Variants in POGZ observed in about 807,000 individuals in gnomAD.
POGZ encodes the protein pogo transposable element with ZNF domain.
Under a neutral mutation model 134.6 loss-of-function variants are expected in POGZ, and 17 were observed. The observed-to-expected ratio is 0.13, with a 90% confidence interval of 0.09 to 0.19. The LOEUF (loss-of-function observed/expected upper bound fraction) is 0.19, where lower values mean the gene tolerates loss of function less well. Among genes scored for constraint, POGZ ranks in the 10% least tolerant of loss-of-function variants. The probability of loss-of-function intolerance (pLI) is 1.00; values close to 1 mark genes in which losing one functional copy is unlikely to be tolerated. For synonymous variants in POGZ, 693 were observed against 657.1 expected (o/e 1.05, Z -0.84); for missense variants, 1,306 against 1,769.7 (o/e 0.74, Z 4.70).
chr1:151,450,014 T>C (rs552246567), intron 1 of POGZ, among the ~76,000 whole-genome samples: 1 of 147,502 alleles, frequency 6.8e-6, no homozygotes, highest in African/African-American at 2.5e-5. Context: ...CACCTACCTG[T>C]GAAACTTGAT....
intron 10 of POGZ, among the ~76,000 whole-genome samples, chr1:151,420,978 C>T (rs926209654): frequency 1.1e-4 from 10 of 88,452 alleles, no homozygotes; most frequent in Non-Finnish European, 2.1e-4. Flanking sequence ...CTATACATAC[C>T]GTGTTTTTTC....
chr1:151,418,059 CA>C (rs1656096873), intron 10 of POGZ, among the ~76,000 whole-genome samples: 1 of 151,642 alleles, frequency 6.6e-6, no homozygotes, highest in Non-Finnish European at 1.5e-5. Flanking sequence ...CTAAAAAATA[CA>C]AAAAAATTAG....
At chr1:151,444,554 C>T (rs1661004881) in intron 1 of POGZ, among the ~76,000 whole-genome samples, 1 of 152,112 alleles carries the variant, frequency 6.6e-6, no homozygotes, top group South Asian at 2.1e-4. Context: ...TTTTCAAGGA[C>T]CTACTTTTGT....
chr1:151,416,920 C>T (rs1435301463), intron 10 of POGZ, among the ~76,000 whole-genome samples: 1 of 152,088 alleles, frequency 6.6e-6, no homozygotes. Context: ...GCATGAGTCA[C>T]CATGCCTTGG....
chr1:151,434,616 C>T (rs2102329003), intron 3 of POGZ, among the ~76,000 whole-genome samples: 1 of 152,316 alleles, frequency 6.6e-6, no homozygotes, highest in South Asian at 2.1e-4. Context: ...CAGAGTCTTG[C>T]TCTGTCACCA....
At chr1:151,457,699 G>A (rs1662939681) in intron 1 of POGZ, among the ~76,000 whole-genome samples, 1 of 152,174 alleles carries the variant, frequency 6.6e-6, no homozygotes. Context: ...GGCCAAGGCG[G>A]GCGGATCACC....
chr1:151,409,306 G>A (rs1287153295), intron 12 of POGZ, among the ~76,000 whole-genome samples: 1 of 152,078 alleles, frequency 6.6e-6, no homozygotes, highest in African/African-American at 2.4e-5. Flanking sequence ...CCAGTTTCCT[G>A]AGTATGCTTT....
At chr1:151,457,550 T>G (rs1450064183) in intron 1 of POGZ, among the ~76,000 whole-genome samples, 1 of 152,124 alleles carries the variant, frequency 6.6e-6, no homozygotes, top group Non-Finnish European at 1.5e-5. Flanking sequence ...TGAGCAATAG[T>G]GTCTCAAAAT....
rs749645880 is a variant in POGZ, at chr1:151,442,068, G to C, written c.124+13C>G. On this transcript the variant is annotated intron_variant, in intron 2 of 18. Coordinates refer to ENST00000271715, the MANE Select transcript of POGZ (RefSeq NM_015100.4). ...TAATTTAAACCATCTAAGATCAGAA[G>C]AGCTTTTGTTACCTGTGGTAGTTTT... 3.2e-6 allele frequency: 5 copies of C among 1,574,804 alleles called. No individual in the cohort carries two copies. Among genetic ancestry groups the C allele is most frequent in the African/African-American group, 1.4e-5 (1 of 74,062 alleles).
intron 3 of POGZ, among the ~76,000 whole-genome samples, chr1:151,437,123 G>A (rs574511076): frequency 1.8e-4 from 27 of 152,108 alleles, no homozygotes; most frequent in Non-Finnish European, 3.1e-4. Context: ...GAACTTGGGA[G>A]GCAGAGGCTG....
chr1:151,426,733 T>C (rs897966273), intron 7 of POGZ: 1 of 152,176 alleles, frequency 6.6e-6, no homozygotes, highest in Admixed American at 6.5e-5. Context: ...ATCCAAGAAA[T>C]AGTAATCACT....
rs752124802 is a variant in POGZ, at chr1:151,405,778, C to T, written c.3257G>A (p.Arg1086Gln). ...MLRHHLTPHA[R>Q]RAVAHTLPKD... Reference sequence around the variant, plus strand: ...AGGTAGGGTGTGGGCCACAGCTCGCCGGGCATGGGGAGTCAGGTGGTGCCG... The same window carrying T: ...AGGTAGGGTGTGGGCCACAGCTCGCTGGGCATGGGGAGTCAGGTGGTGCCG... The change falls in exon 19 of 19, where the codon CGG (arginine) becomes CAG (glutamine). Residue 1086 changes from arginine (R) to glutamine (Q), a missense_variant. Arg to Gln is a conservative substitution (Grantham distance 43). This residue lies in a region of POGZ where 161 missense variants were observed against 185.4 expected (regional missense o/e 0.87). Transcript: ENST00000271715. The surrounding 1 kb of genome is among the most constrained non-coding windows in gnomAD (Gnocchi z 4.9). The T allele has an allele frequency of 5.6e-6, 9 of 1,614,036 alleles. No individual in the cohort carries two copies. The highest frequency in any genetic ancestry group is 5.3e-5 in the African/African-American group (4 of 74,918).
chr1:151,450,730 T>C (rs1571582884), intron 1 of POGZ, among the ~76,000 whole-genome samples: 1 of 152,130 alleles, frequency 6.6e-6, no homozygotes, highest in Non-Finnish European at 1.5e-5. Flanking sequence ...ATATAAACTC[T>C]TCTAGCTTCT....
At position 151,406,644 on chromosome 1, in the gene POGZ, AAAC is replaced by A. The variant is rs1653698567; in HGVS notation, c.2546-16_2546-14del. ...ATCCAAGTGAGTCCTATGGAAAATG[AAAC>A]AACAAAAATAGTTAGCTCAGTGAAA... is the stretch of plus-strand genomic sequence containing the variant. On this transcript the variant is annotated splice_polypyrimidine_tract_variant and intron_variant, in intron 17 of 18. Transcript: ENST00000271715. 2 of 1,604,290 alleles carry A rather than the reference AAAC, an allele frequency of 1.2e-6. No homozygotes were observed. Among genetic ancestry groups the A allele is most frequent in the South Asian group, 2.2e-5 (2 of 90,044 alleles).
chr1:151,456,782 G>A (rs1261566126), intron 1 of POGZ, among the ~76,000 whole-genome samples: 1 of 152,214 alleles, frequency 6.6e-6, no homozygotes. Context: ...GCGAAACACT[G>A]TCTCTACTAA....
At position 151,406,874 on chromosome 1, in the gene POGZ, T is replaced by C. The variant is rs199583813; in HGVS notation, c.2545+37A>G. ...CAGTACGAACCTGTATCTTTTTTCC[T>C]CCCCTTGCTCAACTAATCCCCTTCT... On this transcript the variant is annotated intron_variant, in intron 17 of 18. Coordinates refer to ENST00000271715, the MANE Select transcript of POGZ (RefSeq NM_015100.4). 3.1e-5 allele frequency: 46 copies of C among 1,488,422 alleles called. No homozygotes were observed. The African/African-American group carries it at 4.7e-4, about 15-fold the overall frequency. 92.2% of individuals were successfully genotyped at this position (1,488,422 alleles called of 1,614,324 possible).
Position 151,441,012 on chromosome 1 carries a change from T to C in POGZ, c.199A>G (p.Thr67Ala). 3 of 1,613,834 alleles carry C rather than the reference T, an allele frequency of 1.9e-6. No individual in the cohort carries two copies. The highest frequency in any genetic ancestry group is 2.2e-5 in the South Asian group (2 of 91,074). Residue 67 changes from threonine (T) to alanine (A), a missense_variant, in exon 3 of 19, where the codon ACA becomes GCA. Transcript: ENST00000271715. ...CCGCTGCTACTAACGGTGGTGGATGTAGAGAGGTGCCCAGCAACAGAAGCA... is the reference window on the plus strand; with the variant it reads ...CCGCTGCTACTAACGGTGGTGGATGCAGAGAGGTGCCCAGCAACAGAAGCA... The part of the protein sequence containing the change: ...AHASVAGHLS[T>A]STTVSSSGAQ...
chr1:151,409,483 G>A (rs893706585), intron 12 of POGZ, among the ~76,000 whole-genome samples: 4 of 152,020 alleles, frequency 2.6e-5, no homozygotes, highest in Non-Finnish European at 5.9e-5. Context: ...CTACAGGCAC[G>A]TGCCACCACG....
chr1:151,406,727 G>T, intron 17 of POGZ, 96 bp from the exon 18 acceptor site: 1 of 1,126,100 alleles, frequency 8.9e-7, no homozygotes, highest in Non-Finnish European at 1.3e-6. Flanking sequence ...ATACAAATAC[G>T]CTGTTCGCAG....
Sources: allele counts gnomAD v4.1 joint callset (sites outside exome capture counted in the v4.1 genomes callset), GRCh38; gene constraint gnomAD v4.1.1; regional missense constraint gnomAD v4.1.1; non-coding constraint Gnocchi (gnomAD v3.1); transcripts MANE v1.5; gene names NCBI Gene and HGNC (gene_info 2026-07-23, HGNC 2026-07-21).